The following ZNF366 variants were observed in gnomAD, a reference collection of about 807,000 sequenced individuals.
The protein encoded by ZNF366 is zinc finger protein 366, also known as dendritic cell-specific transcript protein.
A neutral mutation model predicts 47.2 loss-of-function variants in ZNF366; 20 were observed. The observed-to-expected ratio is 0.42, with a 90% CI of 0.30 to 0.62. ZNF366 has a LOEUF of 0.62. Ranked by LOEUF, ZNF366 falls within the 20% of genes least tolerant of loss-of-function variation. The pLI, the probability that ZNF366 is intolerant of heterozygous loss-of-function variation, is 0.16. For missense variants in ZNF366, 987 were observed against 976.3 expected (o/e 1.01, Z -0.15); for synonymous variants, 421 against 395.1 (o/e 1.07, Z -0.78).
At chr5:72,465,410 C>T (rs1743409792) in intron 1 of ZNF366, among the ~76,000 whole-genome samples, 1 of 152,168 alleles carries the variant, frequency 6.6e-6, no homozygotes. Context: ...GGATGTCTTC[C>T]TGAGGAGGTA....
At chr5:72,461,814 G>C (rs900983178) in intron 1 of ZNF366, among the ~76,000 whole-genome samples, 7 of 152,138 alleles carry the variant, frequency 4.6e-5, no homozygotes, top group Non-Finnish European at 8.8e-5. Context: ...ACTAGTTTGG[G>C]AAGAAACCTG....
At chr5:72,495,281 T>C (rs1192389227) in intron 1 of ZNF366, among the ~76,000 whole-genome samples, 6 of 152,138 alleles carry the variant, frequency 3.9e-5, no homozygotes, top group Non-Finnish European at 8.8e-5. Context: ...GGGCTAATCG[T>C]TTATTGAATA....
At chr5:72,486,047 ATT>A (rs998410637) in intron 1 of ZNF366, among the ~76,000 whole-genome samples, 51 of 152,142 alleles carry the variant, frequency 3.4e-4, no homozygotes, top group African/African-American at 1.2e-3. Flanking sequence ...TCCTGACTTA[ATT>A]TTTCTCCATA....
intron 3 of ZNF366, among the ~76,000 whole-genome samples, chr5:72,448,967 G>GC (rs1743010139): frequency 6.6e-6 from 1 of 152,104 alleles, no homozygotes; most frequent in South Asian, 2.1e-4. Context: ...AATGAATTTG[G>GC]CCTACAGGGT....
chr5:72,456,939 A>G (rs973432175), intron 2 of ZNF366, among the ~76,000 whole-genome samples: 1 of 152,180 alleles, frequency 6.6e-6, no homozygotes, highest in African/African-American at 2.4e-5. Flanking sequence ...CTGATATGCA[A>G]TATGAGTCCA....
In ZNF366 at chr5:72,460,492, C is replaced by T; in HGVS notation, c.1005G>A (p.Lys335=). 2 of 1,613,956 alleles carry T rather than the reference C, an allele frequency of 1.2e-6. No individual in the cohort carries two copies. Among genetic ancestry groups the T allele is most frequent in the Non-Finnish European group, 1.7e-6 (2 of 1,179,958 alleles). Residue 335 remains lysine, a synonymous_variant, in exon 2 of 5, where the codon AAG becomes AAA. Transcript: ENST00000318442. ...KRHMMQHSEV[K]PHNCRVCGRG... is the part of the protein sequence containing the mutation. ...GGCCGCACACGCGGCAGTTGTGCGG[C>T]TTCACCTCGCTGTGCTGCATCATGT... is the stretch of plus-strand genomic sequence containing the variant.
chr5:72,476,603 C>G (rs1743679171), intron 1 of ZNF366, among the ~76,000 whole-genome samples: 1 of 152,076 alleles, frequency 6.6e-6, no homozygotes. Flanking sequence ...TTCTGTATGT[C>G]AAGATTGAGT....
chr5:72,505,025 A>G (rs1054314602), intron 1 of ZNF366, among the ~76,000 whole-genome samples: 3 of 152,226 alleles, frequency 2.0e-5, no homozygotes, highest in African/African-American at 7.2e-5. Flanking sequence ...CAGCACACAG[A>G]TCTACAGGAC....
chr5:72,474,026 G>T lies in ZNF366; in HGVS notation c.-14-12516C>A, dbSNP rs1201609426. On this transcript the variant is annotated intron_variant, in intron 1 of 4. Transcript: ENST00000318442. The stretch of plus-strand genomic sequence containing the variant: ...TGGCAAATTAATGTTGCCATTGGTT[G>T]CCAGTTCAGAATCAGAATGAATTAA... Among the ~76,000 whole-genome samples the T allele has an allele frequency of 2.0e-5, 3 of 152,358 alleles. No individual in the cohort carries two copies. The East Asian group carries it at 5.8e-4, about 29-fold the overall frequency.
chr5:72,463,146 A>G (rs1743361629), intron 1 of ZNF366, among the ~76,000 whole-genome samples: 1 of 152,202 alleles, frequency 6.6e-6, no homozygotes, highest in East Asian at 1.9e-4. Flanking sequence ...GAGGGCCAAC[A>G]GTTTTCAGTG....
chr5:72,462,924 G>A (rs1383575934), intron 1 of ZNF366, among the ~76,000 whole-genome samples: 3 of 152,188 alleles, frequency 2.0e-5, no homozygotes, highest in Non-Finnish European at 4.4e-5. Flanking sequence ...TTCCAGTAAG[G>A]GTCAGTTCTA....
chr5:72,499,479 C>CT (rs894702691), intron 1 of ZNF366, among the ~76,000 whole-genome samples: 8,684 of 111,912 alleles, frequency 0.078, 270 homozygotes, highest in African/African-American at 0.1. Flanking sequence ...GGAATCCTGC[C>CT]TTTTTTTTTT....
In ZNF366 at chr5:72,441,015, G is replaced by A. The variant is rs143958002; in HGVS notation, c.*2741C>T. 1 of 152,148 alleles carries A rather than the reference G, an allele frequency of 6.6e-6. No homozygotes were observed. Among genetic ancestry groups the A allele is most frequent in the Admixed American group, 6.5e-5 (1 of 15,274 alleles). The allele number at this position is 152,148 out of a possible 1,614,324, so 9.4% of individuals were successfully genotyped here. ...AATCAGATGGAACTTGAGCTGCTTG[G>A]AGTGAGGTGGGTGTGGGAGTTGAGA... is the stretch of plus-strand genomic sequence containing the variant. On this transcript the variant is annotated 3_prime_UTR_variant, in exon 5 of 5. Transcript: ENST00000318442.
chr5:72,459,119 A>C (rs1230072682), intron 2 of ZNF366, among the ~76,000 whole-genome samples: 1 of 152,180 alleles, frequency 6.6e-6, no homozygotes, highest in Non-Finnish European at 1.5e-5. Flanking sequence ...CAAGGCAGCC[A>C]CACATTTCAT....
At chr5:72,490,486 GGGAGAGGA>G (rs1473012971) in intron 1 of ZNF366, among the ~76,000 whole-genome samples, 2 of 152,162 alleles carry the variant, frequency 1.3e-5, no homozygotes, top group Admixed American at 1.3e-4. Context: ...CAGCTCCCCT[GGGAGAGGA>G]GACATGCTGA....
chr5:72,475,267 T>G (rs1338272633), intron 1 of ZNF366, among the ~76,000 whole-genome samples: 1 of 152,132 alleles, frequency 6.6e-6, no homozygotes, highest in South Asian at 2.1e-4. Flanking sequence ...TGGTCCCTGA[T>G]GTATTTACTG....
At chr5:72,502,679 C>G (rs1268408665) in intron 1 of ZNF366, among the ~76,000 whole-genome samples, 1 of 151,926 alleles carries the variant, frequency 6.6e-6, no homozygotes, top group African/African-American at 2.4e-5. Context: ...TCACAGCACA[C>G]GTTGTAAAAA....
chr5:72,461,858 C>T (rs1227119248), intron 1 of ZNF366, among the ~76,000 whole-genome samples: 2 of 152,172 alleles, frequency 1.3e-5, no homozygotes. Flanking sequence ...CATTTAAGAT[C>T]AGGGTACCAA....
intron 1 of ZNF366, among the ~76,000 whole-genome samples, chr5:72,496,241 C>G (rs1450238740): frequency 6.6e-6 from 1 of 152,174 alleles, no homozygotes; most frequent in Admixed American, 6.5e-5. Context: ...AATTTCATCA[C>G]TCCAGTAAGT....
Sources: gnomAD v4.1 joint callset for allele counts (sites outside exome capture counted in the v4.1 genomes callset) on GRCh38, gnomAD v4.1.1 for gene constraint, MANE v1.5 for transcripts, NCBI Gene and HGNC (gene_info 2026-07-23, HGNC 2026-07-21) for gene names.